EYA4: variants seen among roughly 807,000 people sequenced by gnomAD.
EYA4 encodes protein phosphatase EYA4.
EYA4 carries 31 observed loss-of-function variants against 87.9 expected under a neutral mutation model. The ratio of observed to expected loss-of-function variants is 0.35; its 90% CI spans 0.27 to 0.48. The LOEUF (loss-of-function observed/expected upper bound fraction) is 0.48. EYA4 is among the 20% of genes least tolerant of loss of function. EYA4 has a pLI of 0.99. For missense variants in EYA4, 678 were observed against 761.4 expected, an observed-to-expected ratio of 0.89 and a Z score of 1.29; for synonymous variants, 263 against 270.6, an observed-to-expected ratio of 0.97 and a Z score of 0.28.
chr6:133,312,883 G>A (rs1780339372), intron 2 of EYA4, among the ~76,000 whole-genome samples: 1 of 150,918 alleles, frequency 6.6e-6, no homozygotes, highest in Non-Finnish European at 1.5e-5. Context: ...TTCACTTTCA[G>A]AATAGGACTT....
At chr6:133,462,866 C>A in intron 9 of EYA4, 102 bp downstream of exon 9, 1 of 1,065,632 alleles carries the variant, frequency 9.4e-7, no homozygotes, top group Non-Finnish European at 1.4e-6. Context: ...TAGTTTTAAG[C>A]TTTATCACAG....
At chr6:133,461,048 T>C (rs902221042) in intron 6 of EYA4, 66 bp from the exon 7 acceptor site, 35 of 1,030,644 alleles carry the variant, frequency 3.4e-5, no homozygotes, top group East Asian at 2.4e-4. Flanking sequence ...AAATTGGTTA[T>C]GTACACTCTA....
intron 3 of EYA4, among the ~76,000 whole-genome samples, chr6:133,416,111 G>C (rs1266891605): frequency 6.6e-6 from 1 of 152,208 alleles, no homozygotes; most frequent in Non-Finnish European, 1.5e-5. Flanking sequence ...TCTGGGCAGT[G>C]AGAACTCATG....
chr6:133,462,241 C>A, intron 7 of EYA4, 94 bp from the exon 8 acceptor site: 1 of 1,333,058 alleles, frequency 7.5e-7, no homozygotes, highest in Non-Finnish European at 1.1e-6. Context: ...AAGAGGATTA[C>A]TTCCTGGATA....
chr6:133,389,843 C>T (rs1024789588), intron 3 of EYA4, among the ~76,000 whole-genome samples: 3 of 152,186 alleles, frequency 2.0e-5, no homozygotes, highest in African/African-American at 7.2e-5. Flanking sequence ...GAATTTTCCT[C>T]TGCCGTGCTT....
rs56261819 is a variant in EYA4 at position 133,439,049 on chromosome 6, C to CAAAAAAAAAAAAAAAAAAAAAAAAAA, written c.84-7579_84-7554dup. ...TGGGTGACAAAGCGAGACTCCGTCT[C>CAAAAAAAAAAAAAAAAAAAAAAAAAA]AAAAAAAAAAAAAAAAAAAAAAAAA... On this transcript the variant is annotated intron_variant, in intron 3 of 19. Transcript: ENST00000355286. 2.0e-4 allele frequency among the ~76,000 whole-genome samples: 13 copies of CAAAAAAAAAAAAAAAAAAAAAAAAAA among 64,028 alleles called. 1 individual carries two copies. The highest frequency in any genetic ancestry group is 2.6e-4 in the Non-Finnish European group (10 of 38,062). 42.0% of individuals were successfully genotyped at this position (64,028 alleles called of 152,430 possible).
intron 3 of EYA4, among the ~76,000 whole-genome samples, chr6:133,423,456 C>T (rs935890178): frequency 5.9e-5 from 9 of 152,092 alleles, no homozygotes; most frequent in African/African-American, 2.2e-4. Flanking sequence ...TAACGTTTGA[C>T]CTTTATTTGA....
intron 3 of EYA4, among the ~76,000 whole-genome samples, chr6:133,385,921 A>C (rs1410938287): frequency 2.6e-5 from 4 of 152,190 alleles, no homozygotes; most frequent in Non-Finnish European, 4.4e-5. Flanking sequence ...TTACATGTAT[A>C]TAGTATAAGC....
chr6:133,516,556 CAA>C (rs771877894), intron 17 of EYA4, among the ~76,000 whole-genome samples: 1 of 124,026 alleles, frequency 8.1e-6, no homozygotes. Context: ...ACTAAAAATA[CAA>C]AAAAAAAAAA....
At chr6:133,245,694 G>A (rs1396919841) in intron 1 of EYA4, among the ~76,000 whole-genome samples, 1 of 152,212 alleles carries the variant, frequency 6.6e-6, no homozygotes, top group African/African-American at 2.4e-5. Context: ...GTGTTTTAAT[G>A]AAGGGGACAC....
At chr6:133,409,026 T>G (rs1183467358) in intron 3 of EYA4, among the ~76,000 whole-genome samples, 2 of 152,178 alleles carry the variant, frequency 1.3e-5, no homozygotes, top group African/African-American at 2.4e-5. Context: ...TGAAATGAAG[T>G]TAGTGACTCA....
chr6:133,325,124 A>T (rs1411671920), intron 2 of EYA4: 2 of 152,250 alleles, frequency 1.3e-5, no homozygotes, highest in African/African-American at 4.8e-5. Flanking sequence ...GTTAGCCAGG[A>T]TGGTCTCAAT....
At chr6:133,438,832 G>A (rs1791963961) in intron 3 of EYA4, among the ~76,000 whole-genome samples, 1 of 151,976 alleles carries the variant, frequency 6.6e-6, no homozygotes, top group Admixed American at 6.6e-5. Context: ...CACAAGGTCA[G>A]GAGATCGAGA....
Position 133,241,557 on chromosome 6 carries a change from C to T in EYA4, c.-258C>T, listed in dbSNP as rs1010828755. The T allele has an allele frequency of 1.3e-5, 2 of 152,310 alleles. No individual in the cohort carries two copies. Among genetic ancestry groups the T allele is most frequent in the African/African-American group, 2.4e-5 (1 of 41,428 alleles). The allele number at this position is 152,310 out of a possible 1,614,324, so 9.4% of individuals were successfully genotyped here. On this transcript the variant is annotated 5_prime_UTR_variant, in exon 1 of 20. Transcript: ENST00000355286. ...CCCTCGGAGCCGGCTTCTCCCTCCGCCCCGCTTCTCCCCCGCTTGTGTACG... is the reference window on the plus strand; with the variant it reads ...CCCTCGGAGCCGGCTTCTCCCTCCGTCCCGCTTCTCCCCCGCTTGTGTACG...
intron 2 of EYA4, among the ~76,000 whole-genome samples, chr6:133,316,416 TAGC>T (rs1780625539): frequency 1.3e-5 from 2 of 152,330 alleles, no homozygotes; most frequent in South Asian, 2.1e-4. Context: ...TTTTAGCTAT[TAGC>T]TAAAATAAAT....
At chr6:133,256,068 A>G (rs1425724787) in intron 1 of EYA4, among the ~76,000 whole-genome samples, 2 of 151,912 alleles carry the variant, frequency 1.3e-5, no homozygotes, top group African/African-American at 4.8e-5. Context: ...TTTCAACTTA[A>G]TTGAACCTTG....
chr6:133,260,239 A>C (rs1195542797), intron 1 of EYA4, among the ~76,000 whole-genome samples: 1 of 149,514 alleles, frequency 6.7e-6, no homozygotes, highest in Non-Finnish European at 1.5e-5. Flanking sequence ...GTAGCTTATA[A>C]TTTTTTTTTT....
At chr6:133,439,522 A>T (rs1792057601) in intron 3 of EYA4, 1 of 152,256 alleles carries the variant, frequency 6.6e-6, no homozygotes, top group South Asian at 2.1e-4. Flanking sequence ...CAAAGGAAAA[A>T]GGCATATGGG....
intron 2 of EYA4, among the ~76,000 whole-genome samples, chr6:133,298,207 T>C (rs1779090778): frequency 1.3e-5 from 2 of 152,214 alleles, no homozygotes; most frequent in African/African-American, 4.8e-5. Flanking sequence ...TCCTGTGCCC[T>C]TTTGCTGTGC....
Sources: gnomAD v4.1 joint callset for allele counts (sites outside exome capture counted in the v4.1 genomes callset) on GRCh38, gnomAD v4.1.1 for gene constraint, MANE v1.5 for transcripts, NCBI Gene and HGNC (gene_info 2026-07-23, HGNC 2026-07-21) for gene names.